ZNF214: variants seen among roughly 807,000 people sequenced by gnomAD.
The protein encoded by ZNF214 is BWSCR2-associated zinc finger protein 1.
ZNF214 carries 43 observed loss-of-function variants against 53.9 expected under a neutral mutation model. The ratio of observed to expected loss-of-function variants is 0.80; its 90% CI spans 0.63 to 1.03. The LOEUF is 1.03. Among genes scored for constraint, ZNF214 ranks in the 50% least tolerant of loss-of-function variants. The pLI, the probability that ZNF214 is intolerant of heterozygous loss-of-function variation, is 0.00. For synonymous variants in ZNF214, 217 were observed against 229.5 expected (o/e 0.95, Z 0.49); for missense variants, 724 against 719.1 (o/e 1.01, Z -0.08).
intron 1 of ZNF214, among the ~76,000 whole-genome samples, chr11:7,009,481 T>A (rs571846168): frequency 3.7e-4 from 56 of 152,136 alleles, no homozygotes; most frequent in African/African-American, 1.3e-3. Context: ...CCCTGGAAGA[T>A]AACCTAGGGG....
chr11:7,009,978 T>C (rs569231150), intron 1 of ZNF214, among the ~76,000 whole-genome samples: 70 of 152,300 alleles, frequency 4.6e-4, no homozygotes, highest in African/African-American at 1.7e-3. Flanking sequence ...GGTGGGAATG[T>C]AAATTAGTTC....
chr11:7,002,766 G>C lies in ZNF214; in HGVS notation c.70C>G (p.Gln24Glu), dbSNP rs1564993227. 1 of 1,609,194 alleles carries C rather than the reference G, an allele frequency of 6.2e-7. No individual in the cohort carries two copies. Among genetic ancestry groups the C allele is most frequent in the Non-Finnish European group, 8.5e-7 (1 of 1,177,824 alleles). ...ATGACCTCCCTGTAGAGTCTTTTTT[G>C]AGAAGAATCCAGGAATTTCCACTCC... ...WEEWKFLDSS[Q>E]KRLYREVMWE... The change falls in exon 2 of 3, where the codon CAA becomes GAA. Residue 24 changes from glutamine (Q) to glutamate (E), a missense_variant. Coordinates refer to ENST00000278314, the MANE Select transcript of ZNF214 (RefSeq NM_013249.4).
rs184213127 is a variant in ZNF214, at chr11:6,997,331, T to A, written c.*2531A>T. Among the ~76,000 whole-genome samples the A allele has an allele frequency of 4.6e-5, 7 of 152,014 alleles. No homozygotes were observed. The East Asian group carries it at 1.2e-3, about 25-fold the overall frequency. Reference sequence around the variant, plus strand: ...CTCACATTTAAGCAATATCACATTTTCATCTGTTATAGCACATAATTAGAA... The same window carrying A: ...CTCACATTTAAGCAATATCACATTTACATCTGTTATAGCACATAATTAGAA... On this transcript the variant is annotated 3_prime_UTR_variant, in exon 3 of 3. Coordinates refer to ENST00000278314, the MANE Select transcript of ZNF214 (RefSeq NM_013249.4).
chr11:7,014,670 G>A (rs537524977), intron 1 of ZNF214, among the ~76,000 whole-genome samples: 1 of 152,104 alleles, frequency 6.6e-6, no homozygotes, highest in African/African-American at 2.4e-5. Context: ...GCTTTTACAA[G>A]TATATGCTGA....
At chr11:7,007,145 G>A (rs1301357552) in intron 1 of ZNF214, among the ~76,000 whole-genome samples, 5 of 151,766 alleles carry the variant, frequency 3.3e-5, no homozygotes, top group African/African-American at 4.8e-5. Flanking sequence ...TTAAAAATAT[G>A]ACCTAGATAT....
intron 1 of ZNF214, among the ~76,000 whole-genome samples, chr11:7,007,826 G>A (rs1279638485): frequency 6.6e-6 from 1 of 151,294 alleles, no homozygotes; most frequent in African/African-American, 2.4e-5. Context: ...TTATTTTCAT[G>A]AATACATAGT....
chr11:7,010,943 C>G (rs1851593718), intron 1 of ZNF214, among the ~76,000 whole-genome samples: 1 of 127,450 alleles, frequency 7.8e-6, no homozygotes, highest in Non-Finnish European at 1.7e-5. Flanking sequence ...GGATCAATTC[C>G]CAGTGAAGTA....
At chr11:7,002,650 T>TA (rs1851380556) in intron 2 of ZNF214, 59 bp downstream of exon 2, 3 of 1,473,864 alleles carry the variant, frequency 2.0e-6, no homozygotes, top group East Asian at 5.0e-5. Flanking sequence ...AAAAACAAAA[T>TA]ACTCAACAAA....
chr11:7,018,760 T>C (rs1851839497), intron 1 of ZNF214, among the ~76,000 whole-genome samples: 1 of 151,946 alleles, frequency 6.6e-6, no homozygotes, highest in Non-Finnish European at 1.5e-5. Context: ...CCTTGGCCTC[T>C]CAAAGTGCTG....
chr11:7,014,474 T>C (rs955654055), intron 1 of ZNF214, among the ~76,000 whole-genome samples: 2 of 152,196 alleles, frequency 1.3e-5, no homozygotes, highest in Non-Finnish European at 2.9e-5. Flanking sequence ...AAAGAAGCCA[T>C]TCATGGAAGA....
In ZNF214 at chr11:7,009,736, A is replaced by C. The variant is rs12285273; in HGVS notation, c.-20-6881T>G. The stretch of plus-strand genomic sequence containing the variant: ...AATTTAAACAAATTAACAGGCAAAA[A>C]ACAACCCCATTAAAAAGTAGGCAAA... On this transcript the variant is annotated intron_variant, in intron 1 of 2. Transcript: ENST00000278314. Among the ~76,000 whole-genome samples the C allele has an allele frequency of 5.1e-3, 770 of 152,290 alleles. 10 individuals carry two copies. Among genetic ancestry groups the C allele is most frequent in the African/African-American group, 0.018 (744 of 41,558 alleles).
chr11:7,015,949 C>T (rs1244845411), intron 1 of ZNF214: 2 of 151,694 alleles, frequency 1.3e-5, no homozygotes, highest in African/African-American at 4.8e-5. Context: ...GCATTTTACA[C>T]ATGACAAAGG....
chr11:7,016,474 A>C (rs1190276843), intron 1 of ZNF214, among the ~76,000 whole-genome samples: 2 of 152,196 alleles, frequency 1.3e-5, no homozygotes, highest in African/African-American at 4.8e-5. Context: ...TATTCTGTGG[A>C]AAAAGCCATC....
chr11:7,018,495 CTTTTTTTTTTT>C (rs55641448), intron 1 of ZNF214, among the ~76,000 whole-genome samples: 1 of 61,876 alleles, frequency 1.6e-5, no homozygotes, highest in African/African-American at 6.2e-5. Context: ...AATGTTAAGA[CTTTTTTTTTTT>C]TTTTTTTTTT....
chr11:7,015,530 G>C (rs1589846988), intron 1 of ZNF214, among the ~76,000 whole-genome samples: 1 of 151,994 alleles, frequency 6.6e-6, no homozygotes, highest in Non-Finnish European at 1.5e-5. Context: ...TGAGCCAAGA[G>C]TGTGCCACTG....
At chr11:7,011,507 G>A (rs1851604857) in intron 1 of ZNF214, among the ~76,000 whole-genome samples, 1 of 151,918 alleles carries the variant, frequency 6.6e-6, no homozygotes, top group South Asian at 2.1e-4. Context: ...AACACTTGTA[G>A]CAAACTAGAG....
rs766390962 is a variant in ZNF214, at chr11:7,000,284, C to A, written c.1399G>T (p.Glu467Ter). The part of the protein sequence containing the change: ...LRIHQRVHTG[E>*]KPYTCPECGK... ...CATTCAGGACAAGTATAGGGTTTCT[C>A]CCCTGTATGGACTCTCTGATGAATG... The change falls in exon 3 of 3, where the codon GAG becomes TAG. Residue 467 changes from glutamate to a stop codon, truncating the protein, a stop_gained. Coordinates refer to ENST00000278314, the MANE Select transcript of ZNF214 (RefSeq NM_013249.4). LOFTEE classifies it high-confidence loss of function. The A allele has an allele frequency of 4.3e-6, 7 of 1,613,176 alleles. No individual in the cohort carries two copies. In the African/African-American group the frequency reaches 8.0e-5, roughly 18 times the overall value.
At position 7,001,486 on chromosome 11, in the gene ZNF214, T is replaced by C. The variant is rs1156526; in HGVS notation, c.197A>G (p.Tyr66Cys). The change falls in exon 3 of 3, where the codon TAC (tyrosine) becomes TGC (cysteine). Residue 66 changes from tyrosine (Y) to cysteine (C), a missense_variant. Tyr to Cys is a radical substitution (Grantham distance 194, BLOSUM62 -2). Transcript: ENST00000278314. Reference sequence around the variant, plus strand: ...GCCAGCATTCCACCAGCCTTGCCAGTAGGAAAAATTTTCATATTCTAAGTA... The same window carrying C: ...GCCAGCATTCCACCAGCCTTGCCAGCAGGAAAAATTTTCATATTCTAAGTA... ...FRYLEYENFS[Y>C]WQGWWNAGAQ... 0.62 allele frequency: 1,002,091 copies of C among 1,611,490 alleles called. 314,220 individuals carry two copies. Among genetic ancestry groups the C allele is most frequent in the East Asian group, 0.71 (31,856 of 44,798 alleles).
chr11:7,018,889 A>C (rs906254428), intron 1 of ZNF214, among the ~76,000 whole-genome samples: 14 of 152,174 alleles, frequency 9.2e-5, no homozygotes, highest in African/African-American at 3.4e-4. Context: ...ATGAATGAGT[A>C]AATGTTGGGA....
Sources: gnomAD v4.1 joint callset for allele counts (sites outside exome capture counted in the v4.1 genomes callset) on GRCh38, gnomAD v4.1.1 for gene constraint, MANE v1.5 for transcripts, NCBI Gene and HGNC (gene_info 2026-07-23, HGNC 2026-07-21) for gene names.